Variants in CISD2 observed in about 807,000 individuals in gnomAD.
The protein encoded by CISD2 is CDGSH iron sulfur domain 2, also known as CDGSH iron-sulfur domain-containing protein 2.
Under a neutral mutation model 12.9 loss-of-function variants are expected in CISD2, and 1 was observed. That is an observed-to-expected ratio of 0.08 (90% CI 0.03 to 0.37). CISD2 has a LOEUF of 0.37. Ranked by LOEUF, CISD2 falls within the 10% of genes least tolerant of loss-of-function variation. The probability of loss-of-function intolerance (pLI) is 0.99; values close to 1 mark genes in which losing one functional copy is unlikely to be tolerated. For synonymous variants in CISD2, 50 were observed against 60.6 expected, an observed-to-expected ratio of 0.83 and a Z score of 0.81; for missense variants, 97 against 163.1, an observed-to-expected ratio of 0.59 and a Z score of 2.21.
intron 1 of CISD2, among the ~76,000 whole-genome samples, chr4:102,870,437 A>T (rs574782438): frequency 1.8e-4 from 27 of 152,308 alleles, no homozygotes; most frequent in Admixed American, 1.0e-3. Context: ...GAAGGGATAA[A>T]CTAGATGACA....
At chr4:102,869,328 G>T (rs1446839936) in intron 1 of CISD2, 141 bp downstream of exon 1, 2 of 1,167,622 alleles carry the variant, frequency 1.7e-6, no homozygotes, top group Non-Finnish European at 1.2e-6. Flanking sequence ...AGGTGGGCGC[G>T]CGCCGACGCA....
chr4:102,884,578 C>T (rs1733814986), intron 1 of CISD2, among the ~76,000 whole-genome samples: 4 of 152,104 alleles, frequency 2.6e-5, no homozygotes, highest in South Asian at 2.1e-4. Context: ...CACTTATATT[C>T]CCTGTCCCCT....
In CISD2 at chr4:102,888,676, T is replaced by A. The variant is rs564576513; in HGVS notation, c.*1246T>A. 6.6e-6 allele frequency: 1 copy of A among 152,390 alleles called. No individual in the cohort carries two copies. Among genetic ancestry groups the A allele is most frequent in the Admixed American group, 6.5e-5 (1 of 15,306 alleles). The allele number at this position is 152,390 out of a possible 1,614,324, so 9.4% of individuals were successfully genotyped here. ...AGCCAGGTGCCATGGCACAGGCCTG[T>A]AGTCCCAACTGCTGGGAAGATTGAG... is the stretch of plus-strand genomic sequence containing the variant. On this transcript the variant is annotated 3_prime_UTR_variant, in exon 3 of 3. Coordinates refer to ENST00000273986, the MANE Select transcript of CISD2 (RefSeq NM_001008388.5).
intron 1 of CISD2, chr4:102,882,994 C>T (rs1300947710): frequency 6.6e-6 from 1 of 152,244 alleles, no homozygotes; most frequent in Non-Finnish European, 1.5e-5. Flanking sequence ...GATCTGCCCT[C>T]CTCAGCCTCC....
chr4:102,878,861 G>GT (rs1733650490), intron 1 of CISD2, among the ~76,000 whole-genome samples: 3 of 152,136 alleles, frequency 2.0e-5, no homozygotes, highest in Non-Finnish European at 4.4e-5. Context: ...GCAATTTACT[G>GT]TATTAGCTTT....
At chr4:102,873,354 C>T (rs1190923785) in intron 1 of CISD2, among the ~76,000 whole-genome samples, 1 of 152,070 alleles carries the variant, frequency 6.6e-6, no homozygotes, top group Non-Finnish European at 1.5e-5. Flanking sequence ...TCATTGCAGC[C>T]TTGACTTCAC....
intron 1 of CISD2, among the ~76,000 whole-genome samples, chr4:102,872,964 G>C (rs1733496734): frequency 6.6e-6 from 1 of 152,158 alleles, no homozygotes; most frequent in Non-Finnish European, 1.5e-5. Context: ...GGAGGCCTTA[G>C]GAAACGTACA....
chr4:102,869,198 C>A lies in CISD2; in HGVS notation c.103+11C>A, dbSNP rs1733345064. On this transcript the variant is annotated intron_variant, in intron 1 of 2. Coordinates refer to ENST00000273986, the MANE Select transcript of CISD2 (RefSeq NM_001008388.5). ...TCGCTAGGCTCACAGGTAATCCTCC[C>A]CCATCAGCCAGTCCCCATCCTTGCA... 1 of 1,596,930 alleles carries A rather than the reference C, an allele frequency of 6.3e-7. No individual in the cohort carries two copies. Among genetic ancestry groups the A allele is most frequent in the Non-Finnish European group, 8.5e-7 (1 of 1,171,736 alleles).
intron 1 of CISD2, among the ~76,000 whole-genome samples, chr4:102,871,845 C>T (rs1413125678): frequency 1.3e-5 from 2 of 151,992 alleles, no homozygotes; most frequent in Admixed American, 6.6e-5. Flanking sequence ...TTATTATTGC[C>T]TACATTTCCT....
Position 102,888,823 on chromosome 4 carries a change from T to G in CISD2, c.*1393T>G, listed in dbSNP as rs1301574919. On this transcript the variant is annotated 3_prime_UTR_variant, in exon 3 of 3. Transcript: ENST00000273986. ...TGTTGTAAAAGAGTTACCATTTAAC[T>G]CCCTTCACTGAGTGCGTTTCTGAGA... The G allele has an allele frequency of 3.3e-5, 5 of 152,226 alleles. No individual in the cohort carries two copies. Among genetic ancestry groups the G allele is most frequent in the Admixed American group, 1.3e-4 (2 of 15,280 alleles). 9.4% of individuals were successfully genotyped at this position (152,226 alleles called of 1,614,324 possible).
chr4:102,887,205 T>C, intron 2 of CISD2, 136 bp from the exon 3 acceptor site: 1 of 617,634 alleles, frequency 1.6e-6, no homozygotes, highest in South Asian at 1.8e-5. Context: ...GGATGTAGAA[T>C]GTAACTATTA....
rs1365102963 is a variant in CISD2 at position 102,868,995 on chromosome 4, G to A, written c.-90G>A. On this transcript the variant is annotated 5_prime_UTR_variant, in exon 1 of 3. Coordinates refer to ENST00000273986, the MANE Select transcript of CISD2 (RefSeq NM_001008388.5). Reference sequence around the variant, plus strand: ...CGCCGCCCAGGCCGAGGCCGCCAGTGCCCGCCGGCCGCTTCCGCTCCCGGC... The same window carrying A: ...CGCCGCCCAGGCCGAGGCCGCCAGTACCCGCCGGCCGCTTCCGCTCCCGGC... The A allele has an allele frequency of 2.1e-6, 3 of 1,426,766 alleles. No homozygotes were observed. The highest frequency in any genetic ancestry group is 2.8e-6 in the Non-Finnish European group (3 of 1,088,212). 88.4% of individuals were successfully genotyped at this position (1,426,766 alleles called of 1,614,324 possible). A position where few individuals can be genotyped will look rare whatever the true frequency, so the allele number is the denominator to read the frequency against.
At chr4:102,885,858 T>A (rs148656889) in intron 2 of CISD2, among the ~76,000 whole-genome samples, 2 of 152,320 alleles carry the variant, frequency 1.3e-5, no homozygotes, top group East Asian at 3.9e-4. Context: ...ACATTACATA[T>A]CTTTGAGAAG....
chr4:102,883,511 A>G (rs187409990), intron 1 of CISD2, among the ~76,000 whole-genome samples: 1 of 152,310 alleles, frequency 6.6e-6, no homozygotes, highest in Admixed American at 6.5e-5. Context: ...CTTGGGAACT[A>G]TAAGTAATAA....
At chr4:102,879,292 A>AAATTTGTTT (rs1249444643) in intron 1 of CISD2, among the ~76,000 whole-genome samples, 1 of 152,200 alleles carries the variant, frequency 6.6e-6, no homozygotes, top group African/African-American at 2.4e-5. Context: ...TATATAGTAA[A>AAATTTGTTT]AATTTGTTTA....
chr4:102,886,863 C>T (rs370593421), intron 2 of CISD2, among the ~76,000 whole-genome samples: 2 of 152,180 alleles, frequency 1.3e-5, no homozygotes, highest in African/African-American at 4.8e-5. Flanking sequence ...GATTTGTCTA[C>T]CTCTGCCTCT....
rs1560900148 is a variant in CISD2, at chr4:102,869,544, A to AGTC, written c.103+363_103+365dup. 5.7e-6 allele frequency: 4 copies of AGTC among 702,018 alleles called. No individual in the cohort carries two copies. The South Asian group carries it at 5.9e-5, about 10-fold the overall frequency. The allele number at this position is 702,018 out of a possible 1,614,324, so 43.5% of individuals were successfully genotyped here. On this transcript the variant is annotated intron_variant, in intron 1 of 2. Coordinates refer to ENST00000273986, the MANE Select transcript of CISD2 (RefSeq NM_001008388.5). Reference sequence around the variant, plus strand: ...TACTTGTTTATTTTAAAGCGGGCTAAGTCGTCGTTATCTAAGGCCTCATGT... The same window carrying AGTC: ...TACTTGTTTATTTTAAAGCGGGCTAAGTCGTCGTCGTTATCTAAGGCCTCATGT...
At chr4:102,875,004 T>C (rs1733560607) in intron 1 of CISD2, among the ~76,000 whole-genome samples, 1 of 152,352 alleles carries the variant, frequency 6.6e-6, no homozygotes, top group South Asian at 2.1e-4. Flanking sequence ...AATATTTCAG[T>C]GGTTTCCTAT....
At chr4:102,883,292 A>T (rs1733770278) in intron 1 of CISD2, among the ~76,000 whole-genome samples, 1 of 152,170 alleles carries the variant, frequency 6.6e-6, no homozygotes. Flanking sequence ...CCCCAGGGAC[A>T]GGTAGGAGAC....
Sources: allele counts gnomAD v4.1 joint callset (sites outside exome capture counted in the v4.1 genomes callset), GRCh38; gene constraint gnomAD v4.1.1; transcripts MANE v1.5; gene names NCBI Gene and HGNC (gene_info 2026-07-23, HGNC 2026-07-21).